The following SLC49A4 variants were observed in gnomAD, a reference collection of about 807,000 sequenced individuals.
SLC49A4 encodes the protein solute carrier family 49 member 4.
In SLC49A4, 36 loss-of-function variants were observed where a neutral mutation model predicts 50.6. That is an observed-to-expected ratio of 0.71 (90% CI 0.55 to 0.94). SLC49A4 has a LOEUF of 0.94. Ranked by LOEUF, SLC49A4 falls within the 40% of genes least tolerant of loss-of-function variation. The probability of loss-of-function intolerance (pLI) is 0.00; values close to 1 mark genes in which losing one functional copy is unlikely to be tolerated. For missense variants in SLC49A4, 503 were observed against 605.7 expected (o/e 0.83, Z 1.78); for synonymous variants, 248 against 241.2 (o/e 1.03, Z -0.26).
intron 5 of SLC49A4, among the ~76,000 whole-genome samples, chr3:122,850,943 T>G (rs975679470): frequency 1.3e-5 from 2 of 152,218 alleles, no homozygotes; most frequent in African/African-American, 4.8e-5. Context: ...TTAAGTATTT[T>G]TTATTACTTT....
rs760960755 is a variant in SLC49A4, at chr3:122,879,292, G to A, written c.1351G>A (p.Gly451Arg). The change falls in exon 9 of 9, where the codon GGG becomes AGG. Residue 451 changes from glycine to arginine, a missense_variant. Coordinates refer to ENST00000261038, the MANE Select transcript of SLC49A4 (RefSeq NM_032839.3). ...GTCTTGGTTCAACTGGTGCCTTCCC[G>A]GGTCGTGTTTGCTCAGTCTCCTCCT... ...ELSWFNWCLP[G>R]SCLLSLLLIL... 1.4e-5 allele frequency: 22 copies of A among 1,613,786 alleles called. No homozygotes were observed. Among genetic ancestry groups the A allele is most frequent in the Admixed American group, 3.3e-5 (2 of 59,988 alleles).
Position 122,809,779 on chromosome 3 carries a change from T to A in SLC49A4, c.437+2829T>A, listed in dbSNP as rs903062093. On this transcript the variant is annotated intron_variant, in intron 2 of 8. Coordinates refer to ENST00000261038, the MANE Select transcript of SLC49A4 (RefSeq NM_032839.3). The stretch of plus-strand genomic sequence containing the variant: ...ACAGGTAAGAAGTAGAAATAAAAAG[T>A]TCAGAGATTGAATCTTTCATAAAAA... Among the ~76,000 whole-genome samples the A allele has an allele frequency of 3.3e-5, 5 of 152,126 alleles. No homozygotes were observed. In the South Asian group the frequency reaches 1.0e-3, roughly 31 times the overall value.
At chr3:122,814,315 G>T (rs1408943604) in intron 2 of SLC49A4, among the ~76,000 whole-genome samples, 1 of 151,842 alleles carries the variant, frequency 6.6e-6, no homozygotes, top group Non-Finnish European at 1.5e-5. Flanking sequence ...TTGTGATTTG[G>T]GTTTTCAGGT....
At chr3:122,836,360 G>A (rs1471521269) in intron 4 of SLC49A4, among the ~76,000 whole-genome samples, 1 of 151,996 alleles carries the variant, frequency 6.6e-6, no homozygotes, top group Non-Finnish European at 1.5e-5. Flanking sequence ...TGATCATGGT[G>A]GATAAGCTTT....
At chr3:122,846,930 C>A (rs1336150753) in intron 5 of SLC49A4, among the ~76,000 whole-genome samples, 1 of 152,184 alleles carries the variant, frequency 6.6e-6, no homozygotes, top group Non-Finnish European at 1.5e-5. Context: ...TAATCTTTGG[C>A]TGAGAAATGG....
intron 3 of SLC49A4, among the ~76,000 whole-genome samples, chr3:122,831,521 C>A (rs895005420): frequency 2.0e-5 from 3 of 152,078 alleles, no homozygotes; most frequent in African/African-American, 7.2e-5. Flanking sequence ...TCATAAAAGA[C>A]CACATATTAT....
chr3:122,864,425 C>T (rs928124217), intron 7 of SLC49A4, among the ~76,000 whole-genome samples: 11 of 152,202 alleles, frequency 7.2e-5, no homozygotes, highest in African/African-American at 2.7e-4. Context: ...CTCACCAAGT[C>T]ATTTTGTACT....
chr3:122,822,256 G>GTA (rs752292255), intron 2 of SLC49A4, among the ~76,000 whole-genome samples: 1 of 152,120 alleles, frequency 6.6e-6, no homozygotes, highest in Non-Finnish European at 1.5e-5. Context: ...AGATCAACAG[G>GTA]TACTAGTTTC....
intron 4 of SLC49A4, among the ~76,000 whole-genome samples, chr3:122,837,556 T>C (rs1257961117): frequency 1.3e-5 from 2 of 152,018 alleles, no homozygotes; most frequent in East Asian, 1.9e-4. Context: ...ATACAAAAAT[T>C]AATTCAAGAT....
chr3:122,847,452 A>G (rs549242167), intron 5 of SLC49A4, among the ~76,000 whole-genome samples: 1 of 149,016 alleles, frequency 6.7e-6, no homozygotes, highest in Admixed American at 6.8e-5. Context: ...GGTTCACGCC[A>G]TTCTTCTGCC....
chr3:122,874,813 A>T lies in SLC49A4; in HGVS notation c.1321+2216A>T, dbSNP rs958387573. ...TAAATTTTGGCATTTTAGGCAGTTA[A>T]TGAGAAGATACCTGTAAAAGAGCCA... On this transcript the variant is annotated intron_variant, in intron 8 of 8. Coordinates refer to ENST00000261038, the MANE Select transcript of SLC49A4 (RefSeq NM_032839.3). 1.6e-4 allele frequency among the ~76,000 whole-genome samples: 25 copies of T among 152,218 alleles called. 1 individual carries two copies. Among genetic ancestry groups the T allele is most frequent in the African/African-American group, 5.8e-4 (24 of 41,452 alleles).
intron 8 of SLC49A4, among the ~76,000 whole-genome samples, chr3:122,874,124 A>C (rs1937232238): frequency 6.6e-6 from 1 of 152,232 alleles, no homozygotes; most frequent in African/African-American, 2.4e-5. Context: ...GGATATAACA[A>C]ACACATTTTT....
At chr3:122,872,680 G>C in intron 8 of SLC49A4, 83 bp downstream of exon 8, 1 of 966,952 alleles carries the variant, frequency 1.0e-6, no homozygotes, top group Non-Finnish European at 1.5e-6. Flanking sequence ...TTTTTATATG[G>C]AGAAGTCTCA....
intron 7 of SLC49A4, among the ~76,000 whole-genome samples, chr3:122,870,472 C>G (rs1937182181): frequency 6.6e-6 from 1 of 151,704 alleles, no homozygotes; most frequent in Non-Finnish European, 1.5e-5. Flanking sequence ...CCTCAGCCTC[C>G]CAAAGGGATT....
chr3:122,795,266 C>G lies in SLC49A4; in HGVS notation c.74C>G (p.Ala25Gly). The change falls in exon 1 of 9, where the codon GCC becomes GGC. Residue 25 changes from alanine (A) to glycine (G), a missense_variant. Transcript: ENST00000261038. ...LGPGLGPGLG[A>G]SWRSREAAAA... ...CCCGGGCTCGGGCCTGGGCTGGGGG[C>G]CTCCTGGAGAAGCCGGGAGGCGGCG... 7.2e-7 allele frequency: 1 copy of G among 1,396,866 alleles called. No individual in the cohort carries two copies. Among genetic ancestry groups the G allele is most frequent in the Non-Finnish European group, 9.2e-7 (1 of 1,088,702 alleles). 86.5% of individuals were successfully genotyped at this position (1,396,866 alleles called of 1,614,324 possible).
In SLC49A4 at chr3:122,827,042, G is replaced by A. The variant is rs1240501137; in HGVS notation, c.680G>A (p.Arg227His). The A allele has an allele frequency of 9.3e-6, 15 of 1,612,152 alleles. No homozygotes were observed. The highest frequency in any genetic ancestry group is 5.3e-5 in the African/African-American group (4 of 74,896). ...AESSRAHIKD[R>H]IEAVLYAEFG... ...AGCAGCAGGGCGCATATTAAAGATCGCATAGAGGCTGTGTTATATGCAGGT... is the reference window on the plus strand; with the variant it reads ...AGCAGCAGGGCGCATATTAAAGATCACATAGAGGCTGTGTTATATGCAGGT... Residue 227 changes from arginine (R) to histidine (H), a missense_variant, in exon 3 of 9, where the codon CGC becomes CAC. Coordinates refer to ENST00000261038, the MANE Select transcript of SLC49A4 (RefSeq NM_032839.3).
chr3:122,795,101 C>T lies in SLC49A4; in HGVS notation c.-92C>T. ...AGGCCGAGGGCGACCACAGCAGCCT[C>T]CGCCTCCTGCTGCTCAGGACTATTC... On this transcript the variant is annotated 5_prime_UTR_variant, in exon 1 of 9. Coordinates refer to ENST00000261038, the MANE Select transcript of SLC49A4 (RefSeq NM_032839.3). The T allele has an allele frequency of 8.2e-7, 1 of 1,219,464 alleles. No homozygotes were observed. Among genetic ancestry groups the T allele is most frequent in the South Asian group, 4.0e-5 (1 of 24,868 alleles). 75.5% of individuals were successfully genotyped at this position (1,219,464 alleles called of 1,614,324 possible). A position where few individuals can be genotyped will look rare whatever the true frequency, so the allele number is the denominator to read the frequency against.
At chr3:122,866,767 A>T (rs1937127016) in intron 7 of SLC49A4, among the ~76,000 whole-genome samples, 2 of 150,126 alleles carry the variant, frequency 1.3e-5, no homozygotes, top group African/African-American at 4.9e-5. Flanking sequence ...ATTCCACACC[A>T]CTGACCTGCC....
intron 1 of SLC49A4, among the ~76,000 whole-genome samples, chr3:122,796,542 G>C (rs1274154082): frequency 6.6e-6 from 1 of 152,146 alleles, no homozygotes; most frequent in Non-Finnish European, 1.5e-5. Flanking sequence ...TGTCGGGTGA[G>C]GGCCTGCTTC....
Sources: gnomAD v4.1 joint callset for allele counts (sites outside exome capture counted in the v4.1 genomes callset) on GRCh38, gnomAD v4.1.1 for gene constraint, MANE v1.5 for transcripts, NCBI Gene and HGNC (gene_info 2026-07-23, HGNC 2026-07-21) for gene names.